Variants in EI24 observed in about 807,000 individuals in gnomAD.
EI24 encodes EI24 autophagy associated transmembrane protein.
In EI24, 21 loss-of-function variants were observed where a neutral mutation model predicts 48.6. The ratio of observed to expected loss-of-function variants is 0.43; its 90% confidence interval spans 0.31 to 0.62. The LOEUF (loss-of-function observed/expected upper bound fraction) is 0.62. Among genes scored for constraint, EI24 ranks in the 20% least tolerant of loss-of-function variants. The pLI is 0.10. For synonymous variants in EI24, 114 were observed against 145.5 expected (o/e 0.78, Z 1.56); for missense variants, 280 against 410.5 (o/e 0.68, Z 2.75).
At chr11:125,571,922 C>T (rs564947303) in intron 1 of EI24, among the ~76,000 whole-genome samples, 6 of 152,240 alleles carry the variant, frequency 3.9e-5, no homozygotes, top group African/African-American at 4.8e-5. Context: ...GGTTTTGGTA[C>T]GCAATTTCAT....
In EI24 at chr11:125,582,418, A is replaced by T. The variant is rs4627097; in HGVS notation, c.858A>T (p.Ala286=). 3 of 1,597,302 alleles carry T rather than the reference A, an allele frequency of 1.9e-6. No homozygotes were observed. The East Asian group carries it at 6.7e-5, about 36-fold the overall frequency. The change falls in exon 10 of 11, where the codon GCA becomes GCT. Residue 286 remains alanine, a splice_region_variant and synonymous_variant. Transcript: ENST00000278903. ...SANEAKTPGK[A]YLFQLRLFSL... is the part of the protein sequence containing the mutation. ...ATGAAGCAAAGACCCCTGGCAAAGCATAGTAAGTATTAGCCAGTGATGAAA... is the reference window on the plus strand; with the variant it reads ...ATGAAGCAAAGACCCCTGGCAAAGCTTAGTAAGTATTAGCCAGTGATGAAA...
rs569298228 is a variant in EI24 at position 125,572,458 on chromosome 11, A to T, written c.-70A>T. ...TCCATTATGTTCCATCTGTTTCCAG[A>T]TCCTTCATGATGAGAGATTTGGGGA... On this transcript the variant is annotated splice_region_variant and 5_prime_UTR_variant, in exon 2 of 11. Transcript: ENST00000278903. 1.3e-5 allele frequency: 18 copies of T among 1,437,018 alleles called. No individual in the cohort carries two copies. The East Asian group carries it at 4.1e-4, about 33-fold the overall frequency. The allele number at this position is 1,437,018 out of a possible 1,614,324, so 89.0% of individuals were successfully genotyped here.
intron 8 of EI24, among the ~76,000 whole-genome samples, chr11:125,580,622 T>TG (rs1246558103): frequency 6.6e-6 from 1 of 152,246 alleles, no homozygotes; most frequent in African/African-American, 2.4e-5. Context: ...TTTGCTATCT[T>TG]GCTTAGTTCC....
chr11:125,578,873 G>A lies in EI24; in HGVS notation c.442-76G>A, dbSNP rs983106425. ...TTTCTTAACTGGCAGCTCTAGTGGC[G>A]GACTAGTGGCCTTAGCTTTGGGGAT... On this transcript the variant is annotated intron_variant, in intron 6 of 10. Transcript: ENST00000278903. 4.8e-5 allele frequency: 72 copies of A among 1,485,768 alleles called. 1 individual carries two copies. The East Asian group carries it at 1.4e-3, about 28-fold the overall frequency. 92.0% of individuals were successfully genotyped at this position (1,485,768 alleles called of 1,614,324 possible). A position where few individuals can be genotyped will look rare whatever the true frequency, so the allele number is the denominator to read the frequency against.
At chr11:125,573,951 G>C (rs1938632492) in intron 2 of EI24, among the ~76,000 whole-genome samples, 1 of 151,890 alleles carries the variant, frequency 6.6e-6, no homozygotes, top group Non-Finnish European at 1.5e-5. Flanking sequence ...CAAAGTGCTA[G>C]GATTACAGGC....
chr11:125,579,751 T>C (rs891645758), intron 7 of EI24, among the ~76,000 whole-genome samples: 1 of 152,132 alleles, frequency 6.6e-6, no homozygotes, highest in Non-Finnish European at 1.5e-5. Context: ...CACTGCAGCC[T>C]CAAACTCTGG....
At chr11:125,571,710 C>T (rs1161868155) in intron 1 of EI24, among the ~76,000 whole-genome samples, 2 of 151,948 alleles carry the variant, frequency 1.3e-5, no homozygotes, top group Non-Finnish European at 2.9e-5. Context: ...AACCCCATCT[C>T]TACTAAAAAT....
intron 2 of EI24, chr11:125,573,509 C>T: frequency 2.6e-6 from 1 of 382,942 alleles, no homozygotes; most frequent in South Asian, 1.9e-5. Context: ...TTTGGGAGAC[C>T]AAGGAGGCAG....
At chr11:125,575,799 TGAGAC>T in intron 3 of EI24, 1 of 314,312 alleles carries the variant, frequency 3.2e-6, no homozygotes, top group Non-Finnish European at 6.5e-6. Flanking sequence ...TTTTTTTTTT[TGAGAC>T]GGATTCTTGC....
chr11:125,583,903 G>A lies in EI24; in HGVS notation c.*220G>A. 1.7e-6 allele frequency: 1 copy of A among 581,450 alleles called. No individual in the cohort carries two copies. The highest frequency in any genetic ancestry group is 3.1e-5 in the East Asian group (1 of 32,266). 36.0% of individuals were successfully genotyped at this position (581,450 alleles called of 1,614,324 possible). On this transcript the variant is annotated 3_prime_UTR_variant, in exon 11 of 11. Coordinates refer to ENST00000278903, the MANE Select transcript of EI24 (RefSeq NM_004879.5). Reference sequence around the variant, plus strand: ...GGATTTTTAACATCACCGTGAGTCTGAAAGGACCACAGGTTTTTCTGCAGC... The same window carrying A: ...GGATTTTTAACATCACCGTGAGTCTAAAAGGACCACAGGTTTTTCTGCAGC...
intron 1 of EI24, among the ~76,000 whole-genome samples, chr11:125,571,863 C>T (rs551548603): frequency 6.6e-6 from 1 of 152,112 alleles, no homozygotes; most frequent in African/African-American, 2.4e-5. Flanking sequence ...GCAACAAGAG[C>T]GAGACTCTGT....
At chr11:125,579,525 G>A (rs188005023) in intron 7 of EI24, among the ~76,000 whole-genome samples, 13 of 152,116 alleles carry the variant, frequency 8.5e-5, no homozygotes, top group South Asian at 2.1e-4. Context: ...AATTAGCTGC[G>A]CGTGGTGGCA....
intron 10 of EI24, 74 bp downstream of exon 10, chr11:125,582,494 C>A: frequency 8.8e-7 from 1 of 1,136,084 alleles, no homozygotes; most frequent in Non-Finnish European, 1.2e-6. Flanking sequence ...GTCAGTGAGG[C>A]TTTTTAAAAA....
intron 10 of EI24, 63 bp from the exon 11 acceptor site, chr11:125,583,458 T>C (rs1434197824): frequency 1.5e-6 from 2 of 1,366,714 alleles, no homozygotes; most frequent in African/African-American, 2.9e-5. Flanking sequence ...TGTCAAGTTG[T>C]CAAACAACGG....
intron 2 of EI24, 33 bp downstream of exon 2, chr11:125,572,602 T>C: frequency 1.3e-6 from 2 of 1,587,722 alleles, no homozygotes; most frequent in South Asian, 1.2e-5. Flanking sequence ...AATTCATCTC[T>C]CGGCCTTTTT....
intron 2 of EI24, among the ~76,000 whole-genome samples, chr11:125,574,257 A>T (rs1466907737): frequency 6.6e-6 from 1 of 152,074 alleles, no homozygotes; most frequent in African/African-American, 2.4e-5. Context: ...TGTTTAAAAA[A>T]AAAAAAAAAT....
Position 125,580,211 on chromosome 11 carries a change from C to G in EI24, c.673+7C>G. The G allele has an allele frequency of 1.3e-6, 2 of 1,592,500 alleles. No individual in the cohort carries two copies. Among genetic ancestry groups the G allele is most frequent in the Non-Finnish European group, 1.7e-6 (2 of 1,160,660 alleles). On this transcript the variant is annotated splice_region_variant and intron_variant, in intron 8 of 10. Transcript: ENST00000278903. ...TATCGTTGGTTCAATAAAGGTAAGT[C>G]CATCTAAAGAAATCCAGAAAATGGA...
Position 125,581,408 on chromosome 11 carries a change from G to A in EI24, c.785+86G>A, listed in dbSNP as rs78553920. 6.7e-3 allele frequency: 5,065 copies of A among 751,448 alleles called. 60 individuals carry two copies. Among genetic ancestry groups the A allele is most frequent in the African/African-American group, 0.035 (1,991 of 57,634 alleles). The allele number at this position is 751,448 out of a possible 1,614,324, so 46.5% of individuals were successfully genotyped here. ...CCTTTTGTTTGCTTCGTTCTGTTTC[G>A]CATTCTACATCATCATTTGTCCATC... On this transcript the variant is annotated intron_variant, in intron 9 of 10. Coordinates refer to ENST00000278903, the MANE Select transcript of EI24 (RefSeq NM_004879.5).
rs553359406 is a variant in EI24 at position 125,573,599 on chromosome 11, AG to A, written c.42+1032del. The A allele has an allele frequency of 6.7e-4, 146 of 219,338 alleles. 3 individuals are homozygous for A. In the South Asian group the frequency reaches 7.1e-3, roughly 11 times the overall value. 13.6% of individuals were successfully genotyped at this position (219,338 alleles called of 1,614,324 possible). A position where few individuals can be genotyped will look rare whatever the true frequency, so the allele number is the denominator to read the frequency against. On this transcript the variant is annotated intron_variant, in intron 2 of 10. Transcript: ENST00000278903. Reference sequence around the variant, plus strand: ...ACTATAGCAGGGCAAGAAAGTAAAAAGGTTATTACTTTTGAGTAAAAGAGGG... The same window carrying A: ...ACTATAGCAGGGCAAGAAAGTAAAAAGTTATTACTTTTGAGTAAAAGAGGG...
Sources: allele counts gnomAD v4.1 joint callset (sites outside exome capture counted in the v4.1 genomes callset), GRCh38; gene constraint gnomAD v4.1.1; transcripts MANE v1.5; gene names NCBI Gene and HGNC (gene_info 2026-07-23, HGNC 2026-07-21).